PRELID2: variants seen among roughly 807,000 people sequenced by gnomAD.
PRELID2 encodes PRELI domain-containing protein 2.
PRELID2 carries 25 observed loss-of-function variants against 28.4 expected under a neutral mutation model. The observed-to-expected ratio is 0.88, with a 90% CI of 0.64 to 1.23. The LOEUF (loss-of-function observed/expected upper bound fraction) is 1.23, where lower values mean the gene tolerates loss of function less well. Among genes scored for constraint, PRELID2 ranks in the 50% most tolerant of loss-of-function variants. The probability of loss-of-function intolerance (pLI) is 0.00; values close to 1 mark genes in which losing one functional copy is unlikely to be tolerated. For synonymous variants in PRELID2, 76 were observed against 71.6 expected, an observed-to-expected ratio of 1.06 and a Z score of -0.31; for missense variants, 201 against 214.4, an observed-to-expected ratio of 0.94 and a Z score of 0.39.
At chr5:145,400,342 C>G in the PRELID2 span, among the ~76,000 whole-genome samples, 2 of 152,010 alleles carry the variant, frequency 1.3e-5, no homozygotes, top group African/African-American at 4.8e-5. Context: ...TTCAGGATCC[C>G]CAATCAAACT....
intron 1 of PRELID2, among the ~76,000 whole-genome samples, chr5:145,480,499 A>T (rs1752148290): frequency 6.6e-6 from 1 of 152,172 alleles, no homozygotes; most frequent in African/African-American, 2.4e-5. Flanking sequence ...ATCCACTGTA[A>T]ATAAAATAAT....
In PRELID2 at chr5:145,790,893, A is replaced by G. The variant is rs7708678; in HGVS notation, c.474+5549T>C. Reference sequence around the variant, plus strand: ...TAATCCAGCAATTTCACTTCTGGGTATATATATATATATATATACCAAAAA... The same window carrying G: ...TAATCCAGCAATTTCACTTCTGGGTGTATATATATATATATATACCAAAAA... On this transcript the variant is annotated intron_variant, in intron 5 of 6. Coordinates refer to ENST00000683046, the MANE Select transcript of PRELID2 (RefSeq NM_205846.3). 9.7e-3 allele frequency among the ~76,000 whole-genome samples: 1,434 copies of G among 147,268 alleles called. 27 individuals carry two copies. Among genetic ancestry groups the G allele is most frequent in the African/African-American group, 0.033 (1,341 of 40,122 alleles).
In PRELID2 at chr5:145,674,190, T is replaced by C. The variant is rs572742982; in HGVS notation, n.70+90741A>G. On this transcript the variant is annotated intron_variant and non_coding_transcript_variant, in intron 1 of 2. Coordinates refer to the PRELID2 transcript ENST00000510259. Reference sequence around the variant, plus strand: ...TATTTTTTTATTATACTTTAAGTTCTAGGGTACATGCGCACAACGTGCAGG... The same window carrying C: ...TATTTTTTTATTATACTTTAAGTTCCAGGGTACATGCGCACAACGTGCAGG... Among the ~76,000 whole-genome samples, 3 of 152,336 alleles carry C rather than the reference T, an allele frequency of 2.0e-5. No homozygotes were observed. The East Asian group carries it at 5.8e-4, about 29-fold the overall frequency.
chr5:145,384,092 A>G, the PRELID2 span, among the ~76,000 whole-genome samples: 5 of 152,188 alleles, frequency 3.3e-5, no homozygotes, highest in Admixed American at 1.3e-4. Context: ...AGTAAGTGAA[A>G]GTGAGAACCA....
the PRELID2 span, among the ~76,000 whole-genome samples, chr5:145,414,762 A>G: frequency 1.2e-4 from 19 of 152,214 alleles, no homozygotes; most frequent in Admixed American, 2.0e-4. Flanking sequence ...CAACCACCAT[A>G]TAAGTATTTA....
At chr5:145,368,536 C>G in the PRELID2 span, among the ~76,000 whole-genome samples, 131 of 152,042 alleles carry the variant, frequency 8.6e-4, no homozygotes, top group Admixed American at 9.9e-4. Flanking sequence ...TTTCTCCTCT[C>G]CCTAATATAT....
chr5:145,396,213 A>G, the PRELID2 span, among the ~76,000 whole-genome samples: 1 of 152,178 alleles, frequency 6.6e-6, no homozygotes, highest in Non-Finnish European at 1.5e-5. Flanking sequence ...TTGTAATAAC[A>G]ACCAACATCC....
At chr5:145,332,736 T>A in the PRELID2 span, among the ~76,000 whole-genome samples, 7 of 152,028 alleles carry the variant, frequency 4.6e-5, no homozygotes, top group Non-Finnish European at 1.5e-5. Flanking sequence ...TCAGAGGAGT[T>A]GTTATTACCC....
chr5:145,817,190 C>CAAAAAAAAAA (rs1246315266), intron 4 of PRELID2, among the ~76,000 whole-genome samples: 2 of 42,654 alleles, frequency 4.7e-5, no homozygotes, highest in Non-Finnish European at 1.2e-4. Flanking sequence ...GACTGCATTT[C>CAAAAAAAAAA]AAAAAAAAAT....
intron 5 of PRELID2, among the ~76,000 whole-genome samples, chr5:145,775,218 G>A (rs1758338155): frequency 6.6e-6 from 1 of 151,426 alleles, no homozygotes; most frequent in African/African-American, 2.4e-5. Flanking sequence ...CCAGCCTGAG[G>A]AACAGAATGA....
chr5:145,234,070 T>C, the PRELID2 span, among the ~76,000 whole-genome samples: 2 of 152,182 alleles, frequency 1.3e-5, no homozygotes, highest in Non-Finnish European at 1.5e-5. Context: ...TCTTAATTTG[T>C]TGTCAGTAGT....
At chr5:145,393,438 G>C in the PRELID2 span, among the ~76,000 whole-genome samples, 6 of 152,168 alleles carry the variant, frequency 3.9e-5, no homozygotes, top group African/African-American at 1.4e-4. Flanking sequence ...GTTTAATTGA[G>C]CAAAGAATGA....
chr5:145,626,191 A>G (rs941562774), intron 1 of PRELID2, among the ~76,000 whole-genome samples: 1 of 152,222 alleles, frequency 6.6e-6, no homozygotes, highest in Non-Finnish European at 1.5e-5. Flanking sequence ...GGACTTAATT[A>G]AACTTAAAAC....
intron 1 of PRELID2, among the ~76,000 whole-genome samples, chr5:145,742,731 AC>A (rs1238284275): frequency 6.6e-6 from 1 of 151,090 alleles, no homozygotes; most frequent in African/African-American, 2.4e-5. Flanking sequence ...CAAGCAGAAG[AC>A]AGAAATAATA....
the PRELID2 span, among the ~76,000 whole-genome samples, chr5:145,286,935 C>G: frequency 6.6e-6 from 1 of 152,072 alleles, no homozygotes; most frequent in Non-Finnish European, 1.5e-5. Flanking sequence ...GTCTTGAACT[C>G]CTGACCTCAG....
rs754652443 is a variant in PRELID2 at position 145,823,148 on chromosome 5, T to C, written c.76-14A>G. ...GGGGTTGGGGTACTAAACAAAAATATATAAAAAAGAATTACCATTAATCTT... is the reference window on the plus strand; with the variant it reads ...GGGGTTGGGGTACTAAACAAAAATACATAAAAAAGAATTACCATTAATCTT... On this transcript the variant is annotated splice_polypyrimidine_tract_variant and intron_variant, in intron 1 of 6. Coordinates refer to ENST00000683046, the MANE Select transcript of PRELID2 (RefSeq NM_205846.3). The C allele has an allele frequency of 3.3e-5, 43 of 1,301,806 alleles. 1 individual carries two copies. The highest frequency in any genetic ancestry group is 5.1e-5 in the Admixed American group (3 of 58,688). 80.6% of individuals were successfully genotyped at this position (1,301,806 alleles called of 1,614,324 possible).
chr5:145,347,298 G>C, the PRELID2 span, among the ~76,000 whole-genome samples: 2 of 152,160 alleles, frequency 1.3e-5, no homozygotes, highest in Non-Finnish European at 1.5e-5. Context: ...AAATGGTACA[G>C]CCATGTGATC....
chr5:145,799,025 A>AATAT (rs532556100), intron 4 of PRELID2, among the ~76,000 whole-genome samples: 2,618 of 147,998 alleles, frequency 0.018, 77 homozygotes, highest in African/African-American at 0.06. Context: ...AGTATAATAA[A>AATAT]ATATATATAT....
intron 1 of PRELID2, among the ~76,000 whole-genome samples, chr5:145,628,009 A>C (rs1391332054): frequency 6.6e-6 from 1 of 152,204 alleles, no homozygotes; most frequent in Non-Finnish European, 1.5e-5. Flanking sequence ...AATAAAAAAC[A>C]TCCTTATTAT....
Sources: allele counts gnomAD v4.1 joint callset (sites outside exome capture counted in the v4.1 genomes callset), GRCh38; gene constraint gnomAD v4.1.1; transcripts MANE v1.5; gene names NCBI Gene and HGNC (gene_info 2026-07-23, HGNC 2026-07-21).